The following SAG variants were observed in gnomAD, a reference collection of about 807,000 sequenced individuals.
SAG encodes the protein S-arrestin.
SAG carries 45 observed loss-of-function variants against 55.0 expected under a neutral mutation model. The observed-to-expected ratio is 0.82, with a 90% CI of 0.64 to 1.05. The LOEUF (loss-of-function observed/expected upper bound fraction) is 1.05. Ranked by LOEUF, SAG falls within the 50% of genes least tolerant of loss-of-function variation. The pLI, the probability that SAG is intolerant of heterozygous loss-of-function variation, is 0.00. For missense variants in SAG, 455 were observed against 512.1 expected (o/e 0.89, Z 1.08); for synonymous variants, 189 against 197.4 (o/e 0.96, Z 0.36).
Position 233,334,849 on chromosome 2 carries a change from A to G in SAG, c.807-113A>G, listed in dbSNP as rs371282615. 3.9e-6 allele frequency: 5 copies of G among 1,281,940 alleles called. No individual in the cohort carries two copies. In the South Asian group the frequency reaches 4.0e-5, roughly 10 times the overall value. 79.4% of individuals were successfully genotyped at this position (1,281,940 alleles called of 1,614,324 possible). A position where few individuals can be genotyped will look rare whatever the true frequency, so the allele number is the denominator to read the frequency against. On this transcript the variant is annotated intron_variant, in intron 10 of 15. Coordinates refer to ENST00000409110, the MANE Select transcript of SAG (RefSeq NM_000541.5). ...CCCAGGCTCTTGAACCCACCTTCCC[A>G]GGAGGTCCATCAGGGGATGTGGATC...
intron 13 of SAG, 76 bp from the exon 14 acceptor site, chr2:233,342,195 C>A: frequency 9.0e-7 from 1 of 1,117,028 alleles, no homozygotes; most frequent in Non-Finnish European, 1.3e-6. Context: ...TGACTCTCCG[C>A]AGCCATAGGT....
intron 2 of SAG, among the ~76,000 whole-genome samples, chr2:233,314,511 G>A (rs946533347): frequency 1.6e-4 from 25 of 152,158 alleles, no homozygotes; most frequent in African/African-American, 5.6e-4. Context: ...GCCCCGCAGG[G>A]TGGATCTTGA....
intron 14 of SAG, chr2:233,345,800 G>A (rs1444565045): frequency 6.6e-6 from 1 of 152,614 alleles, no homozygotes; most frequent in Non-Finnish European, 1.5e-5. Context: ...TTGAGACTGG[G>A]GGGGTTTCAT....
At chr2:233,327,026 C>T (rs931280924) in intron 6 of SAG, 95 bp from the exon 7 acceptor site, 1 of 883,696 alleles carries the variant, frequency 1.1e-6, no homozygotes, top group African/African-American at 1.7e-5. Flanking sequence ...AGAGATAGTG[C>T]CACATCATGT....
chr2:233,341,284 C>G (rs1701093796), intron 13 of SAG, among the ~76,000 whole-genome samples: 1 of 152,176 alleles, frequency 6.6e-6, no homozygotes, highest in Admixed American at 6.5e-5. Context: ...GCTGGGATTA[C>G]AGGTGCACGC....
chr2:233,322,345 T>C (rs1206938509), intron 5 of SAG, among the ~76,000 whole-genome samples: 2 of 152,130 alleles, frequency 1.3e-5, no homozygotes, highest in Non-Finnish European at 1.5e-5. Context: ...TAAGTGTACA[T>C]TATAGAGCCC....
chr2:233,320,963 G>A, intron 5 of SAG, 140 bp downstream of exon 5: 1 of 701,090 alleles, frequency 1.4e-6, no homozygotes, highest in Non-Finnish European at 2.3e-6. Context: ...ATTCTAGATT[G>A]CATGGTCTGT....
At chr2:233,346,540 C>A in intron 15 of SAG, 128 bp downstream of exon 15, 1 of 1,030,766 alleles carries the variant, frequency 9.7e-7, no homozygotes, top group Non-Finnish European at 1.5e-6. Flanking sequence ...GGCACATCCG[C>A]TACTTCCCGT....
In SAG at chr2:233,340,418, T is replaced by C. The variant is rs1701061955; in HGVS notation, c.1023-37T>C. Reference sequence around the variant, plus strand: ...ATGGGAAAGGGTCGTGTTACCACTGTGACAGTTAACGACAGGCGTTTGTTT... The same window carrying C: ...ATGGGAAAGGGTCGTGTTACCACTGCGACAGTTAACGACAGGCGTTTGTTT... On this transcript the variant is annotated intron_variant, in intron 12 of 15. Coordinates refer to ENST00000409110, the MANE Select transcript of SAG (RefSeq NM_000541.5). The surrounding 1 kb of genome is among the most constrained non-coding windows in gnomAD (Gnocchi z 4.2). 1 of 1,601,988 alleles carries C rather than the reference T, an allele frequency of 6.2e-7. No homozygotes were observed. The highest frequency in any genetic ancestry group is 1.7e-5 in the Admixed American group (1 of 59,040).
chr2:233,337,173 C>T (rs557553285), intron 11 of SAG, among the ~76,000 whole-genome samples: 1 of 151,606 alleles, frequency 6.6e-6, no homozygotes, highest in Admixed American at 6.6e-5. Context: ...GAGGTATCCT[C>T]TCTTCACCAG....
intron 3 of SAG, among the ~76,000 whole-genome samples, chr2:233,318,478 C>T (rs1011397763): frequency 6.6e-6 from 1 of 152,312 alleles, no homozygotes; most frequent in East Asian, 1.9e-4. Context: ...AGCAGTCCTC[C>T]TGCCTTGGCC....
chr2:233,327,351 A>G (rs1700593803), intron 7 of SAG, 154 bp downstream of exon 7: 1 of 539,874 alleles, frequency 1.9e-6, no homozygotes, highest in Non-Finnish European at 3.4e-6. Flanking sequence ...AAGGTTGATC[A>G]TTTTTGGGGA....
chr2:233,327,229 T>A, intron 7 of SAG, 32 bp downstream of exon 7: 1 of 1,566,818 alleles, frequency 6.4e-7, no homozygotes, highest in South Asian at 1.1e-5. Flanking sequence ...AGGTGAGGGG[T>A]CTGCGGTGGG....
chr2:233,330,064 A>G (rs1419813493), intron 9 of SAG, among the ~76,000 whole-genome samples: 1 of 152,160 alleles, frequency 6.6e-6, no homozygotes, highest in South Asian at 2.1e-4. Flanking sequence ...CCATCATGTC[A>G]TGGCTGACCT....
intron 3 of SAG, among the ~76,000 whole-genome samples, chr2:233,318,109 G>A (rs1000443898): frequency 6.6e-6 from 1 of 151,964 alleles, no homozygotes; most frequent in African/African-American, 2.4e-5. Context: ...ACATAGCTGG[G>A]ACCACAGGCA....
chr2:233,323,215 T>A (rs1700439906), intron 6 of SAG, among the ~76,000 whole-genome samples: 1 of 152,162 alleles, frequency 6.6e-6, no homozygotes, highest in African/African-American at 2.4e-5. Context: ...TGTGCCACCA[T>A]GCCCAGCTAA....
At chr2:233,318,821 C>A (rs1355777433) in intron 4 of SAG, 26 bp downstream of exon 4, 24 of 1,608,296 alleles carry the variant, frequency 1.5e-5, no homozygotes, top group Non-Finnish European at 2.0e-5. Flanking sequence ...TTGTCTCAGG[C>A]TGGTTTCTGG....
chr2:233,339,556 T>TCC (rs1161994776), intron 12 of SAG, among the ~76,000 whole-genome samples: 3 of 147,652 alleles, frequency 2.0e-5, no homozygotes, highest in South Asian at 2.1e-4. Context: ...TTTTTTTTTT[T>TCC]CACTGTGGAT....
At chr2:233,346,506 C>T (rs1464842379) in intron 15 of SAG, 94 bp downstream of exon 15, 1 of 1,354,016 alleles carries the variant, frequency 7.4e-7, no homozygotes. Context: ...TGCACATATC[C>T]CAAGCTCTCC....
Sources: gnomAD v4.1 joint callset for allele counts (sites outside exome capture counted in the v4.1 genomes callset) on GRCh38, gnomAD v4.1.1 for gene constraint, Gnocchi (gnomAD v3.1) non-coding constraint, MANE v1.5 for transcripts, NCBI Gene and HGNC (gene_info 2026-07-23, HGNC 2026-07-21) for gene names.